Variants in MAPK6 observed in about 807,000 individuals in gnomAD.
The protein encoded by MAPK6 is ERK-3.
Under a neutral mutation model 59.3 loss-of-function variants are expected in MAPK6, and 19 were observed. The observed-to-expected ratio is 0.32, with a 90% CI of 0.22 to 0.47. MAPK6 has a LOEUF of 0.47. Ranked by LOEUF, MAPK6 falls within the 20% of genes least tolerant of loss-of-function variation. The pLI, the probability that MAPK6 is intolerant of heterozygous loss-of-function variation, is 1.00. For synonymous variants in MAPK6, 316 were observed against 290.3 expected (o/e 1.09, Z -0.90); for missense variants, 724 against 847.9 (o/e 0.85, Z 1.81).
rs1237595497 is a variant in MAPK6, at chr15:52,053,758, G to A, written c.700+3621G>A. Among the ~76,000 whole-genome samples the A allele has an allele frequency of 3.9e-5, 6 of 151,928 alleles. No homozygotes were observed. The East Asian group carries it at 1.2e-3, about 30-fold the overall frequency. ...GGGTTCAAGCAATTCTCCTCCCTCA[G>A]CCTCCTGAGTAGCTGGGATTACAGG... On this transcript the variant is annotated intron_variant, in intron 3 of 5. Transcript: ENST00000261845.
chr15:52,064,741 A>G lies in MAPK6; in HGVS notation c.1907A>G (p.Lys636Arg). 3.1e-6 allele frequency: 5 copies of G among 1,611,890 alleles called. No homozygotes were observed. The South Asian group carries it at 5.5e-5, about 18-fold the overall frequency. The change falls in exon 6 of 6, where the codon AAA becomes AGA. Residue 636 changes from lysine (K) to arginine (R), a missense_variant. By Grantham distance (26) the Lys-to-Arg change is conservative. Coordinates refer to ENST00000261845, the MANE Select transcript of MAPK6 (RefSeq NM_002748.4). ...TSYLDKFFSR[K>R]EDTEMLETEP... ...TACTTGGACAAGTTCTTTAGCAGGA[A>G]AGAAGATACTGAAATGCTAGAAACT...
intron 2 of MAPK6, among the ~76,000 whole-genome samples, chr15:51,988,557 C>T (rs1595959084): frequency 6.6e-6 from 1 of 152,104 alleles, no homozygotes; most frequent in South Asian, 2.1e-4. Context: ...CATTATGAAA[C>T]CCTGTCTCTA....
At chr15:51,996,311 T>C (rs1426190847) in intron 2 of MAPK6, among the ~76,000 whole-genome samples, 1 of 152,210 alleles carries the variant, frequency 6.6e-6, no homozygotes, top group Non-Finnish European at 1.5e-5. Context: ...CTAGGAGTCT[T>C]CAATGCCCAG....
chr15:52,028,247 C>T (rs530251759), intron 1 of MAPK6, among the ~76,000 whole-genome samples: 6 of 152,164 alleles, frequency 3.9e-5, no homozygotes, highest in South Asian at 2.1e-4. Context: ...CCACCGCGCC[C>T]GGCAATTTTT....
intron 2 of MAPK6, among the ~76,000 whole-genome samples, chr15:52,048,983 A>T (rs986766698): frequency 2.6e-5 from 4 of 152,092 alleles, no homozygotes; most frequent in Non-Finnish European, 4.4e-5. Context: ...TATAAAATTG[A>T]CTCCATTTCT....
intron 1 of MAPK6, among the ~76,000 whole-genome samples, chr15:51,980,186 T>G (rs1007670295): frequency 6.6e-6 from 1 of 150,938 alleles, no homozygotes; most frequent in Non-Finnish European, 1.5e-5. Context: ...TCCCAGCTAC[T>G]TGGGAGGCTG....
At chr15:51,984,001 T>G (rs927588768) in intron 2 of MAPK6, among the ~76,000 whole-genome samples, 1 of 144,866 alleles carries the variant, frequency 6.9e-6, no homozygotes, top group Non-Finnish European at 1.5e-5. Context: ...AAAAAAAAAA[T>G]CCAGTCTAGA....
In MAPK6 at chr15:52,046,742, T is replaced by C. The variant is rs760824918; in HGVS notation, c.282T>C (p.Asp94=). ...CCAGTGGAAGCCAATTAACAGACGA[T>C]GTGGGCTCTCTTACGGAACTGAACA... ...LGPSGSQLTD[D]VGSLTELNSV... is the part of the protein sequence containing the mutation. The change falls in exon 2 of 6, where the codon GAT becomes GAC. Residue 94 remains aspartate, a synonymous_variant. Coordinates refer to ENST00000261845, the MANE Select transcript of MAPK6 (RefSeq NM_002748.4). 1.2e-5 allele frequency: 20 copies of C among 1,614,078 alleles called. No individual in the cohort carries two copies. Among genetic ancestry groups the C allele is most frequent in the South Asian group, 4.4e-5 (4 of 91,082 alleles).
At chr15:52,044,699 T>C (rs775247036) in intron 1 of MAPK6, among the ~76,000 whole-genome samples, 2 of 152,092 alleles carry the variant, frequency 1.3e-5, no homozygotes, top group Non-Finnish European at 2.9e-5. Context: ...TATTTTTTCC[T>C]GCCCTTTTAT....
chr15:52,054,067 T>C (rs1043110661), intron 3 of MAPK6, among the ~76,000 whole-genome samples: 2 of 150,318 alleles, frequency 1.3e-5, no homozygotes, highest in Admixed American at 1.3e-4. Flanking sequence ...CTTCTGAGAG[T>C]TTTATAGGAT....
chr15:52,042,349 G>A (rs1180410879), intron 1 of MAPK6, among the ~76,000 whole-genome samples: 2 of 152,186 alleles, frequency 1.3e-5, no homozygotes, highest in African/African-American at 2.4e-5. Flanking sequence ...TTGTTACAAT[G>A]TATAGTCTTC....
intron 5 of MAPK6, among the ~76,000 whole-genome samples, chr15:52,063,152 C>T (rs898330562): frequency 6.6e-6 from 1 of 152,148 alleles, no homozygotes; most frequent in East Asian, 1.9e-4. Flanking sequence ...CTCACTGCAA[C>T]CTCCTGAGTT....
At chr15:52,045,441 A>AAACT (rs1232259235) in intron 1 of MAPK6, among the ~76,000 whole-genome samples, 2 of 152,246 alleles carry the variant, frequency 1.3e-5, no homozygotes, top group Non-Finnish European at 2.9e-5. Flanking sequence ...GCTTTTTAAC[A>AAACT]AACTAACACA....
intron 1 of MAPK6, among the ~76,000 whole-genome samples, chr15:51,975,820 C>T (rs2057155652): frequency 6.6e-6 from 1 of 151,756 alleles, no homozygotes; most frequent in African/African-American, 2.4e-5. Flanking sequence ...CTCTCTATAG[C>T]AGTAAGTAAA....
At chr15:52,003,380 C>T (rs1185224518) in intron 2 of MAPK6, among the ~76,000 whole-genome samples, 1 of 152,174 alleles carries the variant, frequency 6.6e-6, no homozygotes, top group African/African-American at 2.4e-5. Context: ...CAGAGCCAAA[C>T]CATATCACCT....
intron 3 of MAPK6, among the ~76,000 whole-genome samples, chr15:52,006,157 T>C (rs992649285): frequency 6.6e-6 from 1 of 152,218 alleles, no homozygotes; most frequent in Non-Finnish European, 1.5e-5. Context: ...CATGAGTTAT[T>C]GTTGACTGTT....
At chr15:52,038,346 C>T (rs187371224) in intron 1 of MAPK6, among the ~76,000 whole-genome samples, 1 of 152,310 alleles carries the variant, frequency 6.6e-6, no homozygotes, top group Admixed American at 6.5e-5. Context: ...GTTGGGATTG[C>T]ATTTACCCAC....
chr15:52,000,442 T>A (rs895643182), intron 2 of MAPK6, among the ~76,000 whole-genome samples: 5 of 152,242 alleles, frequency 3.3e-5, no homozygotes, highest in African/African-American at 1.2e-4. Flanking sequence ...GTGTACTGTA[T>A]GAGATAAGGT....
intron 1 of MAPK6, among the ~76,000 whole-genome samples, chr15:51,972,079 T>G (rs1285039560): frequency 6.6e-6 from 1 of 152,068 alleles, no homozygotes; most frequent in Non-Finnish European, 1.5e-5. Context: ...GAGTCAGGAT[T>G]GAAGCCCTTT....
Sources: gnomAD v4.1 joint callset for allele counts (sites outside exome capture counted in the v4.1 genomes callset) on GRCh38, gnomAD v4.1.1 for gene constraint, MANE v1.5 for transcripts, NCBI Gene and HGNC (gene_info 2026-07-23, HGNC 2026-07-21) for gene names.